The following RFT1 variants were observed in gnomAD, a reference collection of about 807,000 sequenced individuals.
RFT1 encodes the protein man(5)GlcNAc(2)-PP-dolichol translocation protein RFT1.
Under a neutral mutation model 62.2 loss-of-function variants are expected in RFT1, and 43 were observed. The ratio of observed to expected loss-of-function variants is 0.69; its 90% confidence interval spans 0.54 to 0.89. The LOEUF (loss-of-function observed/expected upper bound fraction) is 0.89. Among genes scored for constraint, RFT1 ranks in the 40% least tolerant of loss-of-function variants. The pLI, the probability that RFT1 is intolerant of heterozygous loss-of-function variation, is 0.00. For synonymous variants in RFT1, 262 were observed against 264.6 expected (o/e 0.99, Z 0.10); for missense variants, 605 against 649.9 (o/e 0.93, Z 0.75).
intron 11 of RFT1, among the ~76,000 whole-genome samples, chr3:53,098,836 G>A (rs1701228943): frequency 6.8e-6 from 1 of 147,280 alleles, no homozygotes; most frequent in Non-Finnish European, 1.5e-5. Flanking sequence ...AGAACCACTG[G>A]TAGGGGATTC....
intron 7 of RFT1, among the ~76,000 whole-genome samples, chr3:53,110,961 TTG>T (rs1701631143): frequency 6.6e-6 from 1 of 152,152 alleles, no homozygotes. Flanking sequence ...GCCCTCCACA[TTG>T]AGAGCTCTGT....
chr3:53,072,898 G>A, the RFT1 span, among the ~76,000 whole-genome samples: 1 of 152,260 alleles, frequency 6.6e-6, no homozygotes, highest in Non-Finnish European at 1.5e-5. Flanking sequence ...CGACCTCAGA[G>A]GAGCCCACCG....
chr3:53,094,215 C>T (rs1389334866), intron 11 of RFT1, among the ~76,000 whole-genome samples: 4 of 152,080 alleles, frequency 2.6e-5, no homozygotes, highest in Non-Finnish European at 5.9e-5. Context: ...GAGACCATGT[C>T]TCTACCAAAA....
Position 53,090,574 on chromosome 3 carries a change from T to C in RFT1, c.*1329A>G, listed in dbSNP as rs891110184. 1.3e-5 allele frequency: 2 copies of C among 152,214 alleles called. No homozygotes were observed. Among genetic ancestry groups the C allele is most frequent in the Non-Finnish European group, 2.9e-5 (2 of 68,044 alleles). The allele number at this position is 152,214 out of a possible 1,614,324, so 9.4% of individuals were successfully genotyped here. ...CTGACAGGTCTTAATCCTTAGCCCCTGGGTACTGGCTCTGGGCAAGCAGAT... is the reference window on the plus strand; with the variant it reads ...CTGACAGGTCTTAATCCTTAGCCCCCGGGTACTGGCTCTGGGCAAGCAGAT... On this transcript the variant is annotated 3_prime_UTR_variant, in exon 13 of 13. Coordinates refer to ENST00000296292, the MANE Select transcript of RFT1 (RefSeq NM_052859.4).
chr3:53,068,730 G>A, the RFT1 span, among the ~76,000 whole-genome samples: 2 of 152,208 alleles, frequency 1.3e-5, no homozygotes, highest in African/African-American at 4.8e-5. Flanking sequence ...TTTAAATCCA[G>A]AATGTACAGA....
chr3:53,119,040 G>A (rs1701891763), intron 6 of RFT1, among the ~76,000 whole-genome samples: 1 of 144,028 alleles, frequency 6.9e-6, no homozygotes, highest in Non-Finnish European at 1.6e-5. Flanking sequence ...GTGAGACCCT[G>A]TCTCTACAAA....
the RFT1 span, among the ~76,000 whole-genome samples, chr3:53,082,715 C>G: frequency 6.6e-6 from 1 of 152,118 alleles, no homozygotes; most frequent in Non-Finnish European, 1.5e-5. Context: ...TGTCTCCCCA[C>G]AAACCCGGCA....
At chr3:53,073,336 A>C in the RFT1 span, among the ~76,000 whole-genome samples, 3 of 152,328 alleles carry the variant, frequency 2.0e-5, no homozygotes, top group Admixed American at 2.0e-4. Context: ...GGCTTGACAC[A>C]AAAGGGGCTT....
intron 6 of RFT1, among the ~76,000 whole-genome samples, chr3:53,114,012 T>C (rs1266374296): frequency 3.3e-5 from 5 of 152,132 alleles, no homozygotes; most frequent in African/African-American, 1.2e-4. Context: ...CAGGAGTAAA[T>C]CTTCCCTGAT....
chr3:53,073,754 G>T, the RFT1 span, among the ~76,000 whole-genome samples: 1 of 152,172 alleles, frequency 6.6e-6, no homozygotes, highest in African/African-American at 2.4e-5. Context: ...GCCCTCTGGA[G>T]AGCAGAGGCC....
At chr3:53,105,417 C>A (rs377439850) in intron 9 of RFT1, among the ~76,000 whole-genome samples, 2 of 140,382 alleles carry the variant, frequency 1.4e-5, no homozygotes, top group African/African-American at 5.4e-5. Flanking sequence ...CTATCCCCGC[C>A]CCCCCCCCCA....
the RFT1 span, among the ~76,000 whole-genome samples, chr3:53,069,105 A>G: frequency 6.6e-6 from 1 of 152,130 alleles, no homozygotes; most frequent in East Asian, 1.9e-4. Flanking sequence ...ACGCGTGGCT[A>G]ATTTTTGTAT....
rs957871533 is a variant in RFT1 at position 53,107,102 on chromosome 3, T to TA, written c.776-234dup. On this transcript the variant is annotated intron_variant, in intron 7 of 12. Coordinates refer to ENST00000296292, the MANE Select transcript of RFT1 (RefSeq NM_052859.4). ...ATCTCCAAGCCAGTTAAATTACAAA[T>TA]AAAAAAAAATAAAAATAAAACAAGT... is the stretch of plus-strand genomic sequence containing the variant. 3.1e-4 allele frequency among the ~76,000 whole-genome samples: 46 copies of TA among 146,224 alleles called. No individual in the cohort carries two copies. In the South Asian group the frequency reaches 3.9e-3, roughly 12 times the overall value.
At chr3:53,086,171 CAAAT>C (rs1343504765), downstream of RFT1, among the ~76,000 whole-genome samples, 3 of 152,128 alleles carry the variant, frequency 2.0e-5, no homozygotes, top group Admixed American at 2.0e-4. Flanking sequence ...AATAGTGAAG[CAAAT>C]AATTTTTCGT....
At chr3:53,117,825 C>A (rs543282291) in intron 6 of RFT1, among the ~76,000 whole-genome samples, 1 of 152,208 alleles carries the variant, frequency 6.6e-6, no homozygotes, top group African/African-American at 2.4e-5. Context: ...GAGTGAGGTA[C>A]TATTATTATC....
the RFT1 span, among the ~76,000 whole-genome samples, chr3:53,076,446 AAGAC>A: frequency 2.6e-5 from 4 of 152,234 alleles, no homozygotes; most frequent in Non-Finnish European, 4.4e-5. Flanking sequence ...GCAAATAAAA[AAGAC>A]AGATAATTAT....
chr3:53,126,018 G>C, intron 1 of RFT1, 24 bp from the exon 2 acceptor site: 2 of 1,560,724 alleles, frequency 1.3e-6, no homozygotes, highest in Non-Finnish European at 8.8e-7. Context: ...GGAAAAATAC[G>C]TAAGAATAAA....
chr3:53,091,505 A>AG lies in RFT1; in HGVS notation c.*397dup, dbSNP rs915655265. 4.1e-6 allele frequency: 1 copy of AG among 244,714 alleles called. No homozygotes were observed. The highest frequency in any genetic ancestry group is 2.2e-5 in the African/African-American group (1 of 44,960). 15.2% of individuals were successfully genotyped at this position (244,714 alleles called of 1,614,324 possible). A position where few individuals can be genotyped will look rare whatever the true frequency, so the allele number is the denominator to read the frequency against. ...CAGAAGAAGTTCAATATTCCTGTGA[A>AG]GGGTAAAATCACTGCATCTCTTTTT... is the stretch of plus-strand genomic sequence containing the variant. On this transcript the variant is annotated 3_prime_UTR_variant, in exon 13 of 13. Coordinates refer to ENST00000296292, the MANE Select transcript of RFT1 (RefSeq NM_052859.4).
rs1322838227 is a variant in RFT1, at chr3:53,125,895, G to A, written c.149+14C>T. Reference sequence around the variant, plus strand: ...AGGTGAACTCTGACAGTGCCAGGGTGCATCTCCTCCTACCTTACATTTACT... The same window carrying A: ...AGGTGAACTCTGACAGTGCCAGGGTACATCTCCTCCTACCTTACATTTACT... On this transcript the variant is annotated intron_variant, in intron 2 of 12. Coordinates refer to ENST00000296292, the MANE Select transcript of RFT1 (RefSeq NM_052859.4). The A allele has an allele frequency of 2.5e-6, 4 of 1,601,624 alleles. No homozygotes were observed. The South Asian group carries it at 3.3e-5, about 13-fold the overall frequency.
Sources: allele counts gnomAD v4.1 joint callset (sites outside exome capture counted in the v4.1 genomes callset), GRCh38; gene constraint gnomAD v4.1.1; transcripts MANE v1.5; gene names NCBI Gene and HGNC (gene_info 2026-07-23, HGNC 2026-07-21).